Variants in PGBD5 observed in about 807,000 individuals in gnomAD.
The protein encoded by PGBD5 is piggyBac transposable element-derived protein 5.
PGBD5 carries 14 observed loss-of-function variants against 47.9 expected under a neutral mutation model. The observed-to-expected ratio is 0.29, with a 90% CI of 0.19 to 0.46. PGBD5 has a LOEUF of 0.46. Among genes scored for constraint, PGBD5 ranks in the 20% least tolerant of loss-of-function variants. The probability of loss-of-function intolerance (pLI) is 1.00; values close to 1 mark genes in which losing one functional copy is unlikely to be tolerated. For synonymous variants in PGBD5, 316 were observed against 306.3 expected (o/e 1.03, Z -0.33); for missense variants, 635 against 716.0 (o/e 0.89, Z 1.29).
At chr1:230,402,825 G>C (rs1439107630) in intron 1 of PGBD5, among the ~76,000 whole-genome samples, 1 of 152,214 alleles carries the variant, frequency 6.6e-6, no homozygotes, top group African/African-American at 2.4e-5. Context: ...TATATATTTA[G>C]TCTGGTAGAA....
intron 1 of PGBD5, among the ~76,000 whole-genome samples, chr1:230,417,378 G>T (rs1373018415): frequency 6.6e-6 from 1 of 152,160 alleles, no homozygotes; most frequent in Non-Finnish European, 1.5e-5. Flanking sequence ...GGGATCCAGG[G>T]TTTGCTACGT....
intron 1 of PGBD5, among the ~76,000 whole-genome samples, chr1:230,380,723 C>G (rs147260834): frequency 0.014 from 2,141 of 152,368 alleles, 24 homozygotes; most frequent in South Asian, 0.04. Flanking sequence ...GCACCCACAC[C>G]TGTACTCAAG....
intron 2 of PGBD5, among the ~76,000 whole-genome samples, chr1:230,352,269 AT>A (rs1667571064): frequency 1.3e-5 from 2 of 152,322 alleles, no homozygotes; most frequent in Admixed American, 1.3e-4. Context: ...CAAAGTCTAA[AT>A]ACTTACCATC....
At chr1:230,350,777 G>A (rs1386760924) in intron 3 of PGBD5, among the ~76,000 whole-genome samples, 181 bp downstream of exon 3, 4 of 152,232 alleles carry the variant, frequency 2.6e-5, no homozygotes, top group South Asian at 2.1e-4. Flanking sequence ...CTGGCTACCC[G>A]CTGCCTCGGT....
chr1:230,330,441 A>G (rs1667195727), intron 5 of PGBD5, among the ~76,000 whole-genome samples: 1 of 152,256 alleles, frequency 6.6e-6, no homozygotes, highest in Admixed American at 6.5e-5. Context: ...TAACACTGAG[A>G]AAAAGTGGAT....
chr1:230,344,027 T>C (rs1667443040), intron 3 of PGBD5, among the ~76,000 whole-genome samples: 1 of 152,164 alleles, frequency 6.6e-6, no homozygotes, highest in African/African-American at 2.4e-5. Context: ...GGCTCACACC[T>C]GTAATCCCAG....
chr1:230,327,527 C>T (rs1349751312), intron 5 of PGBD5, among the ~76,000 whole-genome samples: 2 of 152,220 alleles, frequency 1.3e-5, no homozygotes, highest in Non-Finnish European at 2.9e-5. Context: ...GACGCAGGAC[C>T]GGGGAAGGGG....
At chr1:230,360,648 C>T (rs145675860) in intron 1 of PGBD5, among the ~76,000 whole-genome samples, 1 of 152,162 alleles carries the variant, frequency 6.6e-6, no homozygotes, top group African/African-American at 2.4e-5. Flanking sequence ...GCCTTTCTTC[C>T]CCTTCCGCCA....
chr1:230,362,363 G>A, intron 1 of PGBD5: 1 of 1,366,612 alleles, frequency 7.3e-7, no homozygotes, highest in South Asian at 1.1e-5. Flanking sequence ...ATCCACAGCT[G>A]TCGCTGCCTC....
chr1:230,331,169 T>G (rs1558191035), intron 5 of PGBD5, among the ~76,000 whole-genome samples: 1 of 152,094 alleles, frequency 6.6e-6, no homozygotes, highest in Non-Finnish European at 1.5e-5. Context: ...ACCCAGCACT[T>G]TGGGAGGCTG....
intron 5 of PGBD5, among the ~76,000 whole-genome samples, chr1:230,325,734 C>A (rs984905439): frequency 6.6e-6 from 1 of 152,106 alleles, no homozygotes; most frequent in East Asian, 1.9e-4. Context: ...GTGCTGCATC[C>A]GACTGGGCCT....
intron 3 of PGBD5, among the ~76,000 whole-genome samples, chr1:230,343,162 GTTCTTGGTCC>G (rs150867608): frequency 0.012 from 1,865 of 152,328 alleles, 45 homozygotes; most frequent in African/African-American, 0.042. Flanking sequence ...TGCTGAGTCT[GTTCTTGGTCC>G]TTCTCCTCTC....
chr1:230,320,876 C>A lies in PGBD5; in HGVS notation c.*2549G>T, dbSNP rs1667022766. The A allele has an allele frequency of 6.6e-6, 1 of 152,244 alleles. No homozygotes were observed. Among genetic ancestry groups the A allele is most frequent in the Admixed American group, 6.5e-5 (1 of 15,284 alleles). 9.4% of individuals were successfully genotyped at this position (152,244 alleles called of 1,614,324 possible). ...GAAACTCTTCTCAGTCAACAGCATT[C>A]CTCCAGAGACCTGAAGTGGCCACTG... is the stretch of plus-strand genomic sequence containing the variant. On this transcript the variant is annotated 3_prime_UTR_variant, in exon 7 of 7. Transcript: ENST00000391860.
At chr1:230,350,532 G>A (rs1391479788) in intron 3 of PGBD5, among the ~76,000 whole-genome samples, 2 of 152,236 alleles carry the variant, frequency 1.3e-5, no homozygotes, top group South Asian at 2.1e-4. Flanking sequence ...GATACCTGGT[G>A]GGAGTGGGGA....
At chr1:230,414,584 A>G (rs115370704) in intron 1 of PGBD5, among the ~76,000 whole-genome samples, 32 of 152,262 alleles carry the variant, frequency 2.1e-4, no homozygotes, top group African/African-American at 7.0e-4. Flanking sequence ...TCAATTTCCA[A>G]TGAGGTTCTG....
chr1:230,424,726 C>A (rs560104538), intron 1 of PGBD5, among the ~76,000 whole-genome samples: 5 of 152,316 alleles, frequency 3.3e-5, no homozygotes, highest in Admixed American at 3.3e-4. Context: ...TACAGAAGGC[C>A]GTGGAACAAG....
At chr1:230,424,203 A>T (rs540062415) in intron 1 of PGBD5, among the ~76,000 whole-genome samples, 1 of 152,300 alleles carries the variant, frequency 6.6e-6, no homozygotes, top group South Asian at 2.1e-4. Context: ...GACTGGTACA[A>T]TTCTTAAAGA....
intron 1 of PGBD5, among the ~76,000 whole-genome samples, chr1:230,379,666 C>T (rs1668062974): frequency 6.6e-6 from 1 of 152,224 alleles, no homozygotes; most frequent in Non-Finnish European, 1.5e-5. Context: ...CTTCAATACC[C>T]AGCTCAACTA....
Position 230,322,766 on chromosome 1 carries a change from T to TC in PGBD5, c.*658dup, listed in dbSNP as rs1667054912. On this transcript the variant is annotated 3_prime_UTR_variant, in exon 7 of 7. Coordinates refer to ENST00000391860, the MANE Select transcript of PGBD5 (RefSeq NM_001258311.2). This position sits in a 1 kb window ranked among gnomAD's most constrained non-coding sequence, Gnocchi z 5.9. ...AATAAAAAATAGCATCATCCTTCAC[T>TC]CCAAGTTTTTGGCATTTCCCTCTCT... 2 of 152,700 alleles carry TC rather than the reference T, an allele frequency of 1.3e-5. No individual in the cohort carries two copies. Among genetic ancestry groups the TC allele is most frequent in the African/African-American group, 4.8e-5 (2 of 41,450 alleles). The allele number at this position is 152,700 out of a possible 1,614,324, so 9.5% of individuals were successfully genotyped here. A position where few individuals can be genotyped will look rare whatever the true frequency, so the allele number is the denominator to read the frequency against.
Sources: allele counts gnomAD v4.1 joint callset (sites outside exome capture counted in the v4.1 genomes callset), GRCh38; gene constraint gnomAD v4.1.1; non-coding constraint Gnocchi (gnomAD v3.1); transcripts MANE v1.5; gene names NCBI Gene and HGNC (gene_info 2026-07-23, HGNC 2026-07-21).